GPC5: variants seen among roughly 807,000 people sequenced by gnomAD.
GPC5 encodes the protein glypican-5.
In GPC5, 47 loss-of-function variants were observed where a neutral mutation model predicts 53.9. The observed-to-expected ratio is 0.87, with a 90% CI of 0.69 to 1.11. The LOEUF (loss-of-function observed/expected upper bound fraction) is 1.11, where lower values mean the gene tolerates loss of function less well. GPC5 is among the 50% of genes most tolerant of loss of function. GPC5 has a pLI of 0.00. For synonymous variants in GPC5, 286 were observed against 263.3 expected, an observed-to-expected ratio of 1.09 and a Z score of -0.84; for missense variants, 748 against 713.1, an observed-to-expected ratio of 1.05 and a Z score of -0.56.
chr13:91,919,713 C>CTT (rs1175637614), intron 6 of GPC5, among the ~76,000 whole-genome samples: 2 of 152,080 alleles, frequency 1.3e-5, no homozygotes, highest in Non-Finnish European at 2.9e-5. Flanking sequence ...CACTTTCTCC[C>CTT]TTGCAGTCTT....
chr13:92,380,315 A>G (rs1478768307), intron 7 of GPC5, among the ~76,000 whole-genome samples: 1 of 152,126 alleles, frequency 6.6e-6, no homozygotes, highest in African/African-American at 2.4e-5. Flanking sequence ...CTCAGTGAGA[A>G]GTTACATTCC....
At chr13:92,071,525 T>A (rs2041211172) in intron 6 of GPC5, among the ~76,000 whole-genome samples, 1 of 152,128 alleles carries the variant, frequency 6.6e-6, no homozygotes, top group Non-Finnish European at 1.5e-5. Flanking sequence ...CCCTGGTTCC[T>A]GCATTATCTG....
chr13:91,911,502 C>T (rs2039610300), intron 6 of GPC5, among the ~76,000 whole-genome samples: 4 of 152,124 alleles, frequency 2.6e-5, no homozygotes, highest in Admixed American at 2.6e-4. Flanking sequence ...AAGATGGCAC[C>T]ACTGCACTCC....
At chr13:91,576,610 C>A (rs1729424428) in intron 2 of GPC5, among the ~76,000 whole-genome samples, 1 of 152,098 alleles carries the variant, frequency 6.6e-6, no homozygotes, top group Non-Finnish European at 1.5e-5. Flanking sequence ...TTAACACATG[C>A]AGAGATTAGC....
chr13:91,821,690 A>G (rs2038497946), intron 5 of GPC5, among the ~76,000 whole-genome samples: 1 of 152,140 alleles, frequency 6.6e-6, no homozygotes, highest in Admixed American at 6.5e-5. Context: ...CTATTGGAAG[A>G]CGTAATGTGA....
At chr13:92,212,281 A>G (rs1352195775) in intron 7 of GPC5, among the ~76,000 whole-genome samples, 2 of 152,150 alleles carry the variant, frequency 1.3e-5, no homozygotes, top group East Asian at 3.9e-4. Context: ...CAGTTTGCCC[A>G]GGATTACAGG....
chr13:92,174,466 C>T (rs1490737542), intron 7 of GPC5, among the ~76,000 whole-genome samples: 1 of 149,550 alleles, frequency 6.7e-6, no homozygotes, highest in Admixed American at 6.7e-5. Flanking sequence ...ACCCGGGAGG[C>T]GGGGCTTGCA....
chr13:92,463,849 A>G (rs1484134230), intron 7 of GPC5, among the ~76,000 whole-genome samples: 2 of 152,186 alleles, frequency 1.3e-5, no homozygotes, highest in East Asian at 3.9e-4. Context: ...CAGTTTTAAG[A>G]TACAATTTTA....
intron 4 of GPC5, among the ~76,000 whole-genome samples, chr13:91,748,311 G>T (rs1426939588): frequency 3.3e-5 from 5 of 152,168 alleles, no homozygotes; most frequent in Non-Finnish European, 7.3e-5. Context: ...CTCAGTTGTT[G>T]TCCTACCTTA....
intron 6 of GPC5, among the ~76,000 whole-genome samples, chr13:91,957,527 A>C (rs549979493): frequency 6.6e-6 from 1 of 152,306 alleles, no homozygotes; most frequent in African/African-American, 2.4e-5. Flanking sequence ...AAATTTCAAA[A>C]ATCAAATACA....
chr13:92,003,069 G>A (rs1283465059), intron 6 of GPC5, among the ~76,000 whole-genome samples: 6 of 152,138 alleles, frequency 3.9e-5, no homozygotes, highest in African/African-American at 1.4e-4. Context: ...CCAGCACTTT[G>A]GGAGGCCAAG....
At chr13:92,797,797 T>C (rs190565513) in intron 7 of GPC5, among the ~76,000 whole-genome samples, 30 of 150,566 alleles carry the variant, frequency 2.0e-4, no homozygotes, top group African/African-American at 6.6e-4. Flanking sequence ...GATCAATAGA[T>C]AGATAAAAGA....
At chr13:92,837,064 C>A (rs976948122) in intron 7 of GPC5, among the ~76,000 whole-genome samples, 2 of 152,062 alleles carry the variant, frequency 1.3e-5, no homozygotes, top group African/African-American at 4.8e-5. Context: ...GACCTGATAT[C>A]TAAGGTAAAA....
At chr13:91,659,062 T>A (rs191744734) in intron 2 of GPC5, among the ~76,000 whole-genome samples, 11 of 152,340 alleles carry the variant, frequency 7.2e-5, no homozygotes, top group Non-Finnish European at 1.2e-4. Context: ...CTCAGCATCA[T>A]GTACCCAGCA....
At chr13:92,423,993 A>C (rs1876706522) in intron 7 of GPC5, among the ~76,000 whole-genome samples, 1 of 143,058 alleles carries the variant, frequency 7.0e-6, no homozygotes, top group Non-Finnish European at 1.5e-5. Context: ...TTTCTGCATT[A>C]TTGTGTAATG....
At chr13:91,668,160 T>A (rs1268606458) in intron 2 of GPC5, among the ~76,000 whole-genome samples, 2 of 152,218 alleles carry the variant, frequency 1.3e-5, no homozygotes, top group African/African-American at 4.8e-5. Flanking sequence ...TGCATGAACC[T>A]ATGTCTGAAT....
chr13:92,078,967 C>T (rs1311262366), intron 6 of GPC5, among the ~76,000 whole-genome samples: 1 of 152,200 alleles, frequency 6.6e-6, no homozygotes, highest in East Asian at 1.9e-4. Context: ...TGTGCAGTGT[C>T]ATCCAGTTCC....
intron 6 of GPC5, among the ~76,000 whole-genome samples, chr13:92,097,177 T>G (rs1038479474): frequency 1.3e-5 from 2 of 152,178 alleles, no homozygotes; most frequent in African/African-American, 4.8e-5. Flanking sequence ...GCAGAAAGTT[T>G]AGCAGAATTG....
chr13:92,149,398 A>C (rs193031688), intron 7 of GPC5, among the ~76,000 whole-genome samples: 12 of 152,188 alleles, frequency 7.9e-5, no homozygotes, highest in Admixed American at 5.9e-4. Context: ...TCTGACTTAA[A>C]TATGATTAAT....
Sources: gnomAD v4.1 joint callset for allele counts (sites outside exome capture counted in the v4.1 genomes callset) on GRCh38, gnomAD v4.1.1 for gene constraint, MANE v1.5 for transcripts, NCBI Gene and HGNC (gene_info 2026-07-23, HGNC 2026-07-21) for gene names.